SVOPL: variants seen among roughly 807,000 people sequenced by gnomAD.
The protein encoded by SVOPL is putative transporter SVOPL.
A neutral mutation model predicts 61.0 loss-of-function variants in SVOPL; 60 were observed. That is an observed-to-expected ratio of 0.98 (90% CI 0.80 to 1.22). The LOEUF (loss-of-function observed/expected upper bound fraction) is 1.22, where lower values mean the gene tolerates loss of function less well. Ranked by LOEUF, SVOPL falls within the 50% of genes most tolerant of loss-of-function variation. The probability of loss-of-function intolerance (pLI) is 0.00; values close to 1 mark genes in which losing one functional copy is unlikely to be tolerated. For synonymous variants in SVOPL, 279 were observed against 250.0 expected, an observed-to-expected ratio of 1.12 and a Z score of -1.09; for missense variants, 662 against 643.9, an observed-to-expected ratio of 1.03 and a Z score of -0.30.
chr7:138,694,928 A>G (rs1366645733), intron 1 of SVOPL, among the ~76,000 whole-genome samples: 1 of 150,064 alleles, frequency 6.7e-6, no homozygotes. Context: ...TAGTAGAGAC[A>G]GGGTTTCACC....
intron 13 of SVOPL, among the ~76,000 whole-genome samples, chr7:138,625,673 G>A (rs1799858171): frequency 6.6e-6 from 1 of 152,166 alleles, no homozygotes; most frequent in South Asian, 2.1e-4. Context: ...ACATTTGAAT[G>A]CAACATGTTG....
intron 4 of SVOPL, among the ~76,000 whole-genome samples, chr7:138,664,638 A>G (rs1584855119): frequency 8.6e-6 from 1 of 116,148 alleles, no homozygotes; most frequent in South Asian, 3.1e-4. Context: ...AATCTCCAGC[A>G]CCCCCGATCC....
At chr7:138,601,263 AAAAAAAG>A (rs1184561807) in intron 14 of SVOPL, among the ~76,000 whole-genome samples, 1 of 151,588 alleles carries the variant, frequency 6.6e-6, no homozygotes, top group Non-Finnish European at 1.5e-5. Context: ...AAAAAAAAAA[AAAAAAAG>A]AAAAGAAAAT....
At chr7:138,663,262 A>C in intron 4 of SVOPL, 117 bp from the exon 5 acceptor site, 1 of 1,522,228 alleles carries the variant, frequency 6.6e-7, no homozygotes. Flanking sequence ...AAGTTAATTT[A>C]AAGAACAGGG....
intron 14 of SVOPL, among the ~76,000 whole-genome samples, chr7:138,611,887 G>A (rs1214613303): frequency 5.5e-5 from 4 of 73,132 alleles, no homozygotes; most frequent in Non-Finnish European, 8.2e-5. Context: ...CACCCCGTCT[G>A]GGAGGTGTGC....
At chr7:138,667,381 C>T (rs937929299) in intron 4 of SVOPL, among the ~76,000 whole-genome samples, 2 of 152,182 alleles carry the variant, frequency 1.3e-5, no homozygotes, top group Non-Finnish European at 2.9e-5. Context: ...AGTCTAGCTT[C>T]TACAACTAAC....
intron 1 of SVOPL, among the ~76,000 whole-genome samples, chr7:138,694,140 AC>A (rs755460271): frequency 6.6e-6 from 1 of 152,276 alleles, no homozygotes; most frequent in Non-Finnish European, 1.5e-5. Flanking sequence ...GCATTGGATG[AC>A]AGAATTCTTG....
chr7:138,666,678 G>A (rs1236517674), intron 4 of SVOPL, among the ~76,000 whole-genome samples: 1 of 152,178 alleles, frequency 6.6e-6, no homozygotes, highest in African/African-American at 2.4e-5. Flanking sequence ...CTTATACAGA[G>A]AGTGCACAAA....
intron 12 of SVOPL, among the ~76,000 whole-genome samples, chr7:138,626,908 A>C (rs1366507126): frequency 6.6e-6 from 1 of 152,080 alleles, no homozygotes; most frequent in African/African-American, 2.4e-5. Context: ...TAGTGCAGAG[A>C]GCTTGTAGAA....
intron 1 of SVOPL, chr7:138,689,393 A>G (rs1802889864): frequency 8.2e-6 from 12 of 1,457,046 alleles, no homozygotes; most frequent in Non-Finnish European, 9.5e-6. Context: ...GGATTTACCC[A>G]TGCATGAGCT....
At chr7:138,657,883 G>A (rs1357464306) in intron 6 of SVOPL, among the ~76,000 whole-genome samples, 1 of 152,114 alleles carries the variant, frequency 6.6e-6, no homozygotes, top group Non-Finnish European at 1.5e-5. Context: ...TCAAGGGGAG[G>A]GGAGTTCCTG....
At chr7:138,654,144 A>G (rs74970462) in intron 7 of SVOPL, among the ~76,000 whole-genome samples, 1 of 151,786 alleles carries the variant, frequency 6.6e-6, no homozygotes, top group African/African-American at 2.4e-5. Context: ...AAAAAAAAAA[A>G]AAAGAATCAT....
chr7:138,680,679 T>C (rs111502781), intron 1 of SVOPL, among the ~76,000 whole-genome samples: 6,504 of 151,840 alleles, frequency 0.043, 435 homozygotes, highest in African/African-American at 0.15. Context: ...CCCGGGTTCA[T>C]GCCATTCTCC....
chr7:138,652,979 G>T (rs766766125), intron 7 of SVOPL, among the ~76,000 whole-genome samples: 3 of 152,202 alleles, frequency 2.0e-5, no homozygotes, highest in African/African-American at 4.8e-5. Flanking sequence ...AAAGTGGTAA[G>T]AAAGTGAAAC....
At chr7:138,618,714 GA>G (rs1729869861) in intron 14 of SVOPL, among the ~76,000 whole-genome samples, 1 of 139,956 alleles carries the variant, frequency 7.1e-6, no homozygotes, top group Non-Finnish European at 1.5e-5. Context: ...ACGCGCGAGA[GA>G]GAGAGAGAGG....
intron 7 of SVOPL, among the ~76,000 whole-genome samples, chr7:138,654,389 C>T (rs986570421): frequency 2.0e-5 from 3 of 151,482 alleles, no homozygotes; most frequent in Non-Finnish European, 1.5e-5. Flanking sequence ...ATCTATGTAT[C>T]AATAAAATAA....
At chr7:138,615,109 G>A (rs1000350568) in intron 14 of SVOPL, among the ~76,000 whole-genome samples, 1 of 152,114 alleles carries the variant, frequency 6.6e-6, no homozygotes, top group Non-Finnish European at 1.5e-5. Flanking sequence ...ACTGAACCAA[G>A]GAATGCCTGG....
In SVOPL at chr7:138,685,423, T is replaced by C. The variant is rs1802785893; in HGVS notation, c.-34-6344A>G. On this transcript the variant is annotated intron_variant, in intron 1 of 15. Transcript: ENST00000674285. Reference sequence around the variant, plus strand: ...GCAGAGAGTGGAATAGTGGATGCCATTCTGAGTGGCTGAGGGGAAGGGGGA... The same window carrying C: ...GCAGAGAGTGGAATAGTGGATGCCACTCTGAGTGGCTGAGGGGAAGGGGGA... Among the ~76,000 whole-genome samples the C allele has an allele frequency of 2.0e-5, 3 of 152,130 alleles. No individual in the cohort carries two copies. The South Asian group carries it at 6.2e-4, about 31-fold the overall frequency.
chr7:138,620,713 A>G (rs537200996), intron 14 of SVOPL, among the ~76,000 whole-genome samples: 18 of 152,280 alleles, frequency 1.2e-4, no homozygotes, highest in Admixed American at 9.2e-4. Flanking sequence ...CCAGACAACA[A>G]TTCTAACTCA....
Sources: allele counts gnomAD v4.1 joint callset (sites outside exome capture counted in the v4.1 genomes callset), GRCh38; gene constraint gnomAD v4.1.1; transcripts MANE v1.5; gene names NCBI Gene and HGNC (gene_info 2026-07-23, HGNC 2026-07-21).